Variants in POLQ observed in about 807,000 individuals in gnomAD.
POLQ encodes epididymis secretory sperm binding protein.
A neutral mutation model predicts 259.2 loss-of-function variants in POLQ; 233 were observed. The observed-to-expected ratio is 0.90, with a 90% CI of 0.81 to 1.00. The LOEUF is 1.00. POLQ is among the 50% of genes least tolerant of loss of function. The probability of loss-of-function intolerance (pLI) is 0.00; values close to 1 mark genes in which losing one functional copy is unlikely to be tolerated. For missense variants in POLQ, 2,871 were observed against 3,051.6 expected, an observed-to-expected ratio of 0.94 and a Z score of 1.39; for synonymous variants, 1,025 against 1,048.8, an observed-to-expected ratio of 0.98 and a Z score of 0.44.
chr3:121,511,793 AAAAT>A (rs2048257356), intron 10 of POLQ, 90 bp downstream of exon 10: 3 of 1,037,486 alleles, frequency 2.9e-6, no homozygotes, highest in Non-Finnish European at 4.2e-6. Flanking sequence ...TAAATTAAAA[AAAAT>A]AAATAAATAA....
intron 7 of POLQ, among the ~76,000 whole-genome samples, chr3:121,529,184 C>T (rs952045803): frequency 1.1e-4 from 16 of 139,178 alleles, no homozygotes; most frequent in African/African-American, 3.6e-4. Flanking sequence ...TATAAATGAA[C>T]GCACGCAATT....
rs751612213 is a variant in POLQ at position 121,544,926 on chromosome 3, A to T, written c.164-20T>A. 126 of 1,500,220 alleles carry T rather than the reference A, an allele frequency of 8.4e-5. No homozygotes were observed. Among genetic ancestry groups the T allele is most frequent in the Non-Finnish European group, 1.0e-4 (115 of 1,096,710 alleles). The allele number at this position is 1,500,220 out of a possible 1,614,324, so 92.9% of individuals were successfully genotyped here. On this transcript the variant is annotated intron_variant, in intron 1 of 29. Transcript: ENST00000264233. ...ATTCTCCTTTTAGGAAAAAGAAAAA[A>T]TTAAAATTTAATTTACTTCTAATAT... is the stretch of plus-strand genomic sequence containing the variant.
Position 121,442,917 on chromosome 3 carries a change from T to C in POLQ, c.7265-2801A>G, listed in dbSNP as rs564726671. 1.8e-4 allele frequency among the ~76,000 whole-genome samples: 27 copies of C among 152,302 alleles called. No individual in the cohort carries two copies. The East Asian group carries it at 5.0e-3, about 28-fold the overall frequency. ...CTCTGTTGCCCAGGCTGGAGTGCAGTGGCGTGACCTCAGCTCATTGCAACC... is the reference window on the plus strand; with the variant it reads ...CTCTGTTGCCCAGGCTGGAGTGCAGCGGCGTGACCTCAGCTCATTGCAACC... On this transcript the variant is annotated intron_variant, in intron 26 of 29. Transcript: ENST00000264233.
chr3:121,532,121 A>C (rs1332227724), intron 6 of POLQ, among the ~76,000 whole-genome samples: 1 of 152,232 alleles, frequency 6.6e-6, no homozygotes, highest in Non-Finnish European at 1.5e-5. Flanking sequence ...ATTTTTAAAA[A>C]TCATATTTAA....
intron 27 of POLQ, among the ~76,000 whole-genome samples, chr3:121,436,798 T>G (rs1576396282): frequency 6.6e-6 from 1 of 151,478 alleles, no homozygotes. Context: ...CTGAGGCAAA[T>G]CCTTAGCCGC....
In POLQ at chr3:121,545,788, G is replaced by T. The variant is rs979596844; in HGVS notation, c.90C>A (p.Ser30Arg). The change falls in exon 1 of 30, where the codon AGC becomes AGA. Residue 30 changes from serine to arginine, a missense_variant. Coordinates refer to ENST00000264233, the MANE Select transcript of POLQ (RefSeq NM_199420.4). ...GCACGGACCCGGAGAGGAACTGGGG[G>T]CTGGCACTGCTGTCACCGCCGCTTC... ...FSGSGGDSSA[S>R]PQFLSGSVLS... 1 of 1,611,012 alleles carries T rather than the reference G, an allele frequency of 6.2e-7. No homozygotes were observed. Among genetic ancestry groups the T allele is most frequent in the African/African-American group, 1.3e-5 (1 of 75,004 alleles).
At chr3:121,455,861 G>A (rs2108781602) in intron 25 of POLQ, among the ~76,000 whole-genome samples, 1 of 152,270 alleles carries the variant, frequency 6.6e-6, no homozygotes, top group East Asian at 1.9e-4. Context: ...AGAAAAAGAG[G>A]AAATCCTCCC....
rs200948858 is a variant in POLQ at position 121,522,166 on chromosome 3, A to T, written c.1109-17T>A. On this transcript the variant is annotated splice_polypyrimidine_tract_variant and intron_variant, in intron 7 of 29. Coordinates refer to ENST00000264233, the MANE Select transcript of POLQ (RefSeq NM_199420.4). ...TCACCAATCCTGTCACAAAAAAATT[A>T]TCAACACCATTTGCTTCTAACTCAG... is the stretch of plus-strand genomic sequence containing the variant. The T allele has an allele frequency of 1.3e-5, 20 of 1,586,658 alleles. 1 individual carries two copies. The highest frequency in any genetic ancestry group is 1.9e-5 in the Admixed American group (1 of 53,286).
chr3:121,495,019 C>A (rs1162838041), intron 14 of POLQ: 3 of 564,016 alleles, frequency 5.3e-6, no homozygotes, highest in Non-Finnish European at 9.0e-6. Context: ...CGCCTGTAAT[C>A]CCAGCACTTT....
Position 121,487,338 on chromosome 3 carries a change from A to G in POLQ, c.5593T>C (p.Ser1865Pro). ...ACEKIRSLTS[S>P]KTATIGSRFK... ...CTACTGCCAATAGTAGCAGTTTTAG[A>G]AGATGTCAAACTTCTAATCTTTTCA... Residue 1865 changes from serine to proline, a missense_variant, in exon 16 of 30, where the codon TCT becomes CCT. Physicochemically the swap from Ser to Pro is moderately conservative, Grantham distance 74. This residue lies in a region of POLQ where 2,080 missense variants were observed against 2,126.0 expected (regional missense o/e 0.98). Transcript: ENST00000264233. 1 of 1,608,664 alleles carries G rather than the reference A, an allele frequency of 6.2e-7. No homozygotes were observed. Among genetic ancestry groups the G allele is most frequent in the South Asian group, 1.1e-5 (1 of 89,742 alleles).
intron 26 of POLQ, among the ~76,000 whole-genome samples, chr3:121,441,269 G>A (rs2047590298): frequency 6.6e-6 from 1 of 152,044 alleles, no homozygotes; most frequent in Non-Finnish European, 1.5e-5. Context: ...AATCAGTGCT[G>A]AGGTATAATT....
At chr3:121,498,779 T>A in intron 12 of POLQ, 109 bp from the exon 13 acceptor site, 1 of 735,046 alleles carries the variant, frequency 1.4e-6, no homozygotes, top group Non-Finnish European at 2.2e-6. Flanking sequence ...TATGTGCCTG[T>A]AGTCCTAGCT....
chr3:121,506,269 A>G (rs1405038251), intron 12 of POLQ, among the ~76,000 whole-genome samples: 1 of 105,826 alleles, frequency 9.4e-6, no homozygotes, highest in Non-Finnish European at 1.9e-5. Flanking sequence ...CTTTAAAACT[A>G]AAAACAAAAC....
intron 6 of POLQ, among the ~76,000 whole-genome samples, chr3:121,530,667 A>G (rs7622881): frequency 0.69 from 105,087 of 152,062 alleles, 36,511 homozygotes; most frequent in East Asian, 0.89. Context: ...AAAAGGGCAC[A>G]TGTGAATCCA....
At chr3:121,524,569 C>T (rs2048359364) in intron 7 of POLQ, among the ~76,000 whole-genome samples, 1 of 151,842 alleles carries the variant, frequency 6.6e-6, no homozygotes, top group East Asian at 1.9e-4. Context: ...AAATTAACAA[C>T]CTGGGTGAAC....
At chr3:121,541,819 G>A (rs1339229442) in intron 2 of POLQ, among the ~76,000 whole-genome samples, 1 of 152,062 alleles carries the variant, frequency 6.6e-6, no homozygotes, top group Non-Finnish European at 1.5e-5. Flanking sequence ...TATGATAGGA[G>A]CTATGATCGA....
At chr3:121,492,505 C>A (rs1195128087) in intron 15 of POLQ, among the ~76,000 whole-genome samples, 1 of 152,164 alleles carries the variant, frequency 6.6e-6, no homozygotes, top group Non-Finnish European at 1.5e-5. Flanking sequence ...TTTTAAAATG[C>A]TCTTGCCTAA....
At position 121,488,805 on chromosome 3, in the gene POLQ, G is replaced by C. The variant is rs2048037351; in HGVS notation, c.4126C>G (p.Pro1376Ala). The change falls in exon 16 of 30, where the codon CCT (proline) becomes GCT (alanine). Residue 1376 changes from proline (P) to alanine (A), a missense_variant. Physicochemically the swap from Pro to Ala is conservative, Grantham distance 27. This residue lies in a region of POLQ where 2,080 missense variants were observed against 2,126.0 expected (regional missense o/e 0.98). Transcript: ENST00000264233. ...SFQKECHIPFPAEQHPLGATK... is the reference protein window; with the variant it reads ...SFQKECHIPFAAEQHPLGATK... ...GCTCCTAGAGGGTGCTGTTCAGCAGGAAAAGGAATGTGACACTCCTTCTGA... is the reference window on the plus strand; with the variant it reads ...GCTCCTAGAGGGTGCTGTTCAGCAGCAAAAGGAATGTGACACTCCTTCTGA... 1 of 1,613,766 alleles carries C rather than the reference G, an allele frequency of 6.2e-7. No individual in the cohort carries two copies. The highest frequency in any genetic ancestry group is 1.3e-5 in the African/African-American group (1 of 74,916).
intron 14 of POLQ, among the ~76,000 whole-genome samples, chr3:121,495,991 T>C (rs1479068400): frequency 6.6e-6 from 1 of 151,770 alleles, no homozygotes; most frequent in African/African-American, 2.4e-5. Flanking sequence ...TTGTAGCCCA[T>C]AGTTTCCTTC....
Sources: gnomAD v4.1 joint callset for allele counts (sites outside exome capture counted in the v4.1 genomes callset) on GRCh38, gnomAD v4.1.1 for gene constraint, gnomAD v4.1.1 regional missense constraint, MANE v1.5 for transcripts, NCBI Gene and HGNC (gene_info 2026-07-23, HGNC 2026-07-21) for gene names.